Variants in LTBP1 observed in about 807,000 individuals in gnomAD.
LTBP1 encodes latent transforming growth factor beta binding protein 1.
LTBP1 carries 129 observed loss-of-function variants against 207.6 expected under a neutral mutation model. That is an observed-to-expected ratio of 0.62 (90% confidence interval 0.54 to 0.72). The LOEUF is 0.72. Among genes scored for constraint, LTBP1 ranks in the 30% least tolerant of loss-of-function variants. The pLI, the probability that LTBP1 is intolerant of heterozygous loss-of-function variation, is 0.00. For missense variants in LTBP1, 2,281 were observed against 2,217.2 expected, an observed-to-expected ratio of 1.03 and a Z score of -0.58; for synonymous variants, 963 against 833.7, an observed-to-expected ratio of 1.16 and a Z score of -2.67.
At chr2:33,249,531 T>G (rs1358822686) in intron 10 of LTBP1, among the ~76,000 whole-genome samples, 3 of 152,196 alleles carry the variant, frequency 2.0e-5, no homozygotes, top group Admixed American at 6.5e-5. Context: ...TTTTTACTCT[T>G]GTTTTGTAAT....
At chr2:33,059,965 T>G (rs2077184173) in intron 3 of LTBP1, among the ~76,000 whole-genome samples, 1 of 152,240 alleles carries the variant, frequency 6.6e-6, no homozygotes, top group Non-Finnish European at 1.5e-5. Flanking sequence ...TACTCAGTTC[T>G]TAAAGAAAAT....
chr2:32,959,340 G>T (rs961053021), intron 2 of LTBP1, among the ~76,000 whole-genome samples: 3 of 151,964 alleles, frequency 2.0e-5, no homozygotes, highest in African/African-American at 4.8e-5. Flanking sequence ...AGATAATGCA[G>T]TTAGAGGGAA....
chr2:33,263,687 C>T (rs1310121887), intron 15 of LTBP1, among the ~76,000 whole-genome samples: 5 of 150,440 alleles, frequency 3.3e-5, no homozygotes, highest in East Asian at 2.0e-4. Context: ...GGTGCGGTGG[C>T]TCATGCCTAT....
At position 32,947,523 on chromosome 2, in the gene LTBP1, G is replaced by A; in HGVS notation, c.199G>A (p.Ala67Thr). Reference protein sequence around the residue: ...ALNARYSRSSAAAGAPSRASP... With the variant: ...ALNARYSRSSTAAGAPSRASP... ...CAACGCCAGGTACAGCCGCAGCTCGGCGGCTGCCGGCGCCCCCAGCCGTGC... is the reference window on the plus strand; with the variant it reads ...CAACGCCAGGTACAGCCGCAGCTCGACGGCTGCCGGCGCCCCCAGCCGTGC... Residue 67 changes from alanine (A) to threonine (T), a missense_variant, in exon 1 of 34, where the codon GCG becomes ACG. Coordinates refer to ENST00000404816, the MANE Select transcript of LTBP1 (RefSeq NM_206943.4). 7.1e-7 allele frequency: 1 copy of A among 1,401,002 alleles called. No homozygotes were observed. Among genetic ancestry groups the A allele is most frequent in the Non-Finnish European group, 9.3e-7 (1 of 1,079,230 alleles). 86.8% of individuals were successfully genotyped at this position (1,401,002 alleles called of 1,614,324 possible).
chr2:33,355,100 G>T (rs1038271340), intron 26 of LTBP1, among the ~76,000 whole-genome samples: 2 of 152,068 alleles, frequency 1.3e-5, no homozygotes, highest in Non-Finnish European at 2.9e-5. Context: ...TACACTTTGT[G>T]TGTCACTTTG....
At chr2:33,226,940 T>C (rs773057732) in intron 9 of LTBP1, among the ~76,000 whole-genome samples, 13 of 152,252 alleles carry the variant, frequency 8.5e-5, no homozygotes, top group Non-Finnish European at 1.8e-4. Flanking sequence ...CATCTTTGTC[T>C]GATCAGGAAT....
intron 3 of LTBP1, among the ~76,000 whole-genome samples, chr2:33,099,061 A>T (rs1040095452): frequency 5.9e-5 from 9 of 151,902 alleles, no homozygotes; most frequent in Non-Finnish European, 7.4e-5. Flanking sequence ...TAAGCCATAT[A>T]TTTTTTTCTC....
At chr2:33,027,815 G>A (rs563642380) in intron 3 of LTBP1, among the ~76,000 whole-genome samples, 2 of 152,104 alleles carry the variant, frequency 1.3e-5, no homozygotes, top group Non-Finnish European at 2.9e-5. Flanking sequence ...CCAGTCTGGC[G>A]ACAGAGCAAG....
chr2:33,005,620 A>T (rs1368304349), intron 2 of LTBP1, among the ~76,000 whole-genome samples: 1 of 136,202 alleles, frequency 7.3e-6, no homozygotes, highest in Non-Finnish European at 1.5e-5. Flanking sequence ...TTTTTGAGAC[A>T]GTGTGTTTCT....
chr2:33,343,843 G>A (rs909633071), intron 25 of LTBP1, among the ~76,000 whole-genome samples: 2 of 152,156 alleles, frequency 1.3e-5, no homozygotes, highest in African/African-American at 4.8e-5. Context: ...ATTTCTTCAC[G>A]TCAAACTCAT....
intron 3 of LTBP1, among the ~76,000 whole-genome samples, chr2:33,030,236 G>T (rs56812995): frequency 0.011 from 1,670 of 152,232 alleles, 33 homozygotes; most frequent in African/African-American, 0.036. Context: ...TCTTAACTCA[G>T]ACGGGAAGAA....
At chr2:33,248,362 A>C (rs1170397640) in intron 10 of LTBP1, among the ~76,000 whole-genome samples, 1 of 152,178 alleles carries the variant, frequency 6.6e-6, no homozygotes, top group Non-Finnish European at 1.5e-5. Flanking sequence ...TCTTTCCAAC[A>C]GTCATACAGT....
chr2:33,317,058 ATT>A (rs2149278226), intron 24 of LTBP1, among the ~76,000 whole-genome samples: 1 of 152,302 alleles, frequency 6.6e-6, no homozygotes, highest in African/African-American at 2.4e-5. Context: ...ATTCACAATT[ATT>A]TTGTCTTTTG....
intron 15 of LTBP1, among the ~76,000 whole-genome samples, chr2:33,270,310 G>A (rs2093288811): frequency 6.6e-6 from 1 of 152,002 alleles, no homozygotes; most frequent in Admixed American, 6.6e-5. Context: ...GCCTACAAGA[G>A]TGGAATCCTT....
intron 18 of LTBP1, among the ~76,000 whole-genome samples, 153 bp downstream of exon 18, chr2:33,276,076 T>G (rs1364337569): frequency 6.6e-6 from 1 of 150,588 alleles, no homozygotes; most frequent in Non-Finnish European, 1.5e-5. Context: ...CTTTGCCTCT[T>G]CCTTTCACTG....
intron 5 of LTBP1, among the ~76,000 whole-genome samples, chr2:33,177,259 T>C (rs13392128): frequency 0.079 from 11,997 of 152,286 alleles, 1,015 homozygotes; most frequent in African/African-American, 0.21. Context: ...CTAAGCAATT[T>C]GTAAATGTTA....
At position 33,043,608 on chromosome 2, in the gene LTBP1, A is replaced by G. The variant is rs181274541; in HGVS notation, c.863+22402A>G. Among the ~76,000 whole-genome samples, 5 of 152,270 alleles carry G rather than the reference A, an allele frequency of 3.3e-5. No individual in the cohort carries two copies. In the East Asian group the frequency reaches 7.7e-4, roughly 24 times the overall value. ...CGGTTTTAGCTGTGGATGGAAAGGT[A>G]GTATTTGATGGACCAAGAGGAGAGG... On this transcript the variant is annotated intron_variant, in intron 3 of 33. Coordinates refer to ENST00000404816, the MANE Select transcript of LTBP1 (RefSeq NM_206943.4).
intron 22 of LTBP1, among the ~76,000 whole-genome samples, chr2:33,305,158 CAA>C (rs1009527681): frequency 6.9e-6 from 1 of 145,344 alleles, no homozygotes; most frequent in Non-Finnish European, 1.5e-5. Flanking sequence ...ACTAAAAATA[CAA>C]AAAAAAAAGA....
chr2:33,192,812 C>T (rs1335024378), intron 7 of LTBP1, among the ~76,000 whole-genome samples: 1 of 152,052 alleles, frequency 6.6e-6, no homozygotes, highest in Non-Finnish European at 1.5e-5. Context: ...AGCATGTGAC[C>T]AGGGCCTTCT....
Sources: gnomAD v4.1 joint callset for allele counts (sites outside exome capture counted in the v4.1 genomes callset) on GRCh38, gnomAD v4.1.1 for gene constraint, MANE v1.5 for transcripts, NCBI Gene and HGNC (gene_info 2026-07-23, HGNC 2026-07-21) for gene names.